PHRF1: variants seen among roughly 807,000 people sequenced by gnomAD.
PHRF1 encodes the protein PHD and ring finger domains 1.
Under a neutral mutation model 128.9 loss-of-function variants are expected in PHRF1, and 53 were observed. That is an observed-to-expected ratio of 0.41 (90% CI 0.33 to 0.52). The LOEUF (loss-of-function observed/expected upper bound fraction) is 0.52, where lower values mean the gene tolerates loss of function less well. Among genes scored for constraint, PHRF1 ranks in the 20% least tolerant of loss-of-function variants. The pLI, the probability that PHRF1 is intolerant of heterozygous loss-of-function variation, is 0.21. For synonymous variants in PHRF1, 1,178 were observed against 980.6 expected (o/e 1.20, Z -3.76); for missense variants, 2,503 against 2,284.5 (o/e 1.10, Z -1.95).
intron 1 of PHRF1, among the ~76,000 whole-genome samples, chr11:580,861 G>A (rs1854161485): frequency 6.6e-6 from 1 of 152,018 alleles, no homozygotes; most frequent in African/African-American, 2.4e-5. Context: ...GCTAATTTTT[G>A]TATTTTTAGT....
chr11:593,144 C>T (rs984847291), intron 6 of PHRF1, among the ~76,000 whole-genome samples: 3 of 152,244 alleles, frequency 2.0e-5, no homozygotes, highest in Non-Finnish European at 4.4e-5. Flanking sequence ...TCTGGCCCTG[C>T]GTGGCCCTGG....
At chr11:586,008 C>T (rs556792582) in intron 3 of PHRF1, among the ~76,000 whole-genome samples, 6 of 152,014 alleles carry the variant, frequency 3.9e-5, no homozygotes, top group Admixed American at 1.3e-4. Context: ...ATTACAGGCA[C>T]ACGCCACCAC....
At chr11:595,060 C>G (rs964387036) in intron 6 of PHRF1, among the ~76,000 whole-genome samples, 1 of 152,166 alleles carries the variant, frequency 6.6e-6, no homozygotes, top group Admixed American at 6.5e-5. Context: ...TACTCAGTTC[C>G]TCATGTCAAA....
intron 5 of PHRF1, 144 bp from the exon 6 acceptor site, chr11:592,415 C>G: frequency 2.7e-6 from 2 of 744,600 alleles, no homozygotes; most frequent in African/African-American, 1.7e-5. Flanking sequence ...CCTGTGTACA[C>G]GTGGAGGGAG....
At chr11:609,932 C>T (rs1304102319) in intron 14 of PHRF1, among the ~76,000 whole-genome samples, 1 of 152,200 alleles carries the variant, frequency 6.6e-6, no homozygotes, top group East Asian at 1.9e-4. Context: ...AGGGCCCCGG[C>T]CACCACAGGG....
intron 3 of PHRF1, among the ~76,000 whole-genome samples, chr11:583,222 C>T (rs895662446): frequency 1.3e-5 from 2 of 151,948 alleles, no homozygotes; most frequent in African/African-American, 2.4e-5. Flanking sequence ...GCCTGTAATC[C>T]CAGCTACTTG....
chr11:587,231 T>A lies in PHRF1; in HGVS notation c.215-28T>A, dbSNP rs749608384. 3.7e-6 allele frequency: 6 copies of A among 1,608,648 alleles called. No individual in the cohort carries two copies. In the South Asian group the frequency reaches 6.6e-5, roughly 18 times the overall value. On this transcript the variant is annotated intron_variant, in intron 3 of 17. Coordinates refer to ENST00000264555, the MANE Select transcript of PHRF1 (RefSeq NM_001286581.2). The stretch of plus-strand genomic sequence containing the variant: ...CGCGGTTCACGCTGCCCATCCTGCT[T>A]GCACCAGCTGGCATGTTTCCTCTCC...
Position 589,764 on chromosome 11 carries a change from A to G in PHRF1, c.421-1620A>G, listed in dbSNP as rs572077670. 2.6e-5 allele frequency among the ~76,000 whole-genome samples: 4 copies of G among 152,336 alleles called. No individual in the cohort carries two copies. In the South Asian group the frequency reaches 8.3e-4, roughly 32 times the overall value. On this transcript the variant is annotated intron_variant, in intron 4 of 17. Coordinates refer to ENST00000264555, the MANE Select transcript of PHRF1 (RefSeq NM_001286581.2). Reference sequence around the variant, plus strand: ...TCTGAGAGAGTGTCTGCAAACGGGCACGGAGCATGTCAGGCTCAGCCTGAG... The same window carrying G: ...TCTGAGAGAGTGTCTGCAAACGGGCGCGGAGCATGTCAGGCTCAGCCTGAG...
chr11:581,838 C>T lies in PHRF1; in HGVS notation c.95-124C>T, dbSNP rs1291059469. The T allele has an allele frequency of 3.5e-5, 48 of 1,379,540 alleles. No homozygotes were observed. The Middle Eastern group carries it at 7.8e-4, about 22-fold the overall frequency. The allele number at this position is 1,379,540 out of a possible 1,614,324, so 85.5% of individuals were successfully genotyped here. A position where few individuals can be genotyped will look rare whatever the true frequency, so the allele number is the denominator to read the frequency against. ...TTGCTTGTGCCCCCACCTTGCCGGC[C>T]CTGGGGAAGCCGTTAGCCGTTTGGC... On this transcript the variant is annotated intron_variant, in intron 2 of 17. Coordinates refer to ENST00000264555, the MANE Select transcript of PHRF1 (RefSeq NM_001286581.2).
intron 3 of PHRF1, among the ~76,000 whole-genome samples, chr11:582,615 C>T (rs898643819): frequency 1.3e-5 from 2 of 152,060 alleles, no homozygotes; most frequent in African/African-American, 4.8e-5. Flanking sequence ...AGCTCTGCCT[C>T]CTGGGTTCAC....
chr11:596,058 A>G (rs1400765612), intron 6 of PHRF1, among the ~76,000 whole-genome samples: 1 of 152,140 alleles, frequency 6.6e-6, no homozygotes, highest in Non-Finnish European at 1.5e-5. Flanking sequence ...ACTCTTGTTT[A>G]ACTCGTATCT....
Position 600,489 on chromosome 11 carries a change from CAA to C in PHRF1, c.1025-1081_1025-1080del, listed in dbSNP as rs1183661881. On this transcript the variant is annotated intron_variant, in intron 9 of 17. Transcript: ENST00000264555. Reference sequence around the variant, plus strand: ...GGGTGACAGAGTGAGACTCTGTCTCCAAAAATATATATATATATATATATATA... The same window carrying C: ...GGGTGACAGAGTGAGACTCTGTCTCCAAATATATATATATATATATATATA... 6.5e-4 allele frequency among the ~76,000 whole-genome samples: 47 copies of C among 71,780 alleles called. 1 individual carries two copies. In the South Asian group the frequency reaches 0.025, roughly 38 times the overall value. 47.1% of individuals were successfully genotyped at this position (71,780 alleles called of 152,430 possible).
chr11:607,697 C>T lies in PHRF1; in HGVS notation c.2241C>T (p.Ser747=). The T allele has an allele frequency of 6.2e-7, 1 of 1,610,318 alleles. No homozygotes were observed. Among genetic ancestry groups the T allele is most frequent in the South Asian group, 1.1e-5 (1 of 90,982 alleles). Residue 747 remains serine (S), a synonymous_variant, in exon 14 of 18, where the codon AGC becomes AGT. Transcript: ENST00000264555. ...VPREPGVHTG[S]SRPPAPSSHG... Reference sequence around the variant, plus strand: ...GGGAGCCCGGGGTGCACACGGGCAGCTCCCGGCCCCCAGCCCCCAGCTCCC... The same window carrying T: ...GGGAGCCCGGGGTGCACACGGGCAGTTCCCGGCCCCCAGCCCCCAGCTCCC...
intron 6 of PHRF1, among the ~76,000 whole-genome samples, chr11:594,713 C>T (rs959094100): frequency 1.1e-4 from 17 of 152,340 alleles, no homozygotes; most frequent in African/African-American, 2.9e-4. Context: ...CCGCCCACCT[C>T]GGCCTCCCAA....
Position 597,259 on chromosome 11 carries a change from C to G in PHRF1, c.719-136C>G. 2 of 1,138,206 alleles carry G rather than the reference C, an allele frequency of 1.8e-6. No individual in the cohort carries two copies. Among genetic ancestry groups the G allele is most frequent in the Non-Finnish European group, 2.4e-6 (2 of 817,404 alleles). 70.5% of individuals were successfully genotyped at this position (1,138,206 alleles called of 1,614,324 possible). A position where few individuals can be genotyped will look rare whatever the true frequency, so the allele number is the denominator to read the frequency against. On this transcript the variant is annotated intron_variant, in intron 7 of 17. Transcript: ENST00000264555. This position sits in a 1 kb window ranked among gnomAD's most constrained non-coding sequence, Gnocchi z 6.5. Reference sequence around the variant, plus strand: ...TCCTCAGTGTTAGGAGCACCAGGCTCCATGAGCAGCCCTGGGTCCTGTGCA... The same window carrying G: ...TCCTCAGTGTTAGGAGCACCAGGCTGCATGAGCAGCCCTGGGTCCTGTGCA...
rs200569537 is a variant in PHRF1 at position 609,248 on chromosome 11, C to G, written c.3792C>G (p.Ser1264=). 1 of 1,611,574 alleles carries G rather than the reference C, an allele frequency of 6.2e-7. No individual in the cohort carries two copies. The highest frequency in any genetic ancestry group is 8.5e-7 in the Non-Finnish European group (1 of 1,179,886). The change falls in exon 14 of 18, where the codon TCC becomes TCG. Residue 1264 remains serine, a synonymous_variant. Coordinates refer to ENST00000264555, the MANE Select transcript of PHRF1 (RefSeq NM_001286581.2). The stretch of plus-strand genomic sequence containing the variant: ...ACCTGGACCTGGATTATGGCGACTC[C>G]GTGGAGGCCGGACACGTCTTTGATG... The part of the protein sequence containing the change: ...PDDLDLDYGD[S]VEAGHVFDDF...
At chr11:605,795 G>T in intron 12 of PHRF1, 71 bp downstream of exon 12, 1 of 1,512,384 alleles carries the variant, frequency 6.6e-7, no homozygotes. Flanking sequence ...TCTAGGGTGG[G>T]GCCGTGATAG....
In PHRF1 at chr11:611,758, C is replaced by T. The variant is rs202141408; in HGVS notation, c.4931C>T (p.Thr1644Met). 48 of 1,608,308 alleles carry T rather than the reference C, an allele frequency of 3.0e-5. No individual in the cohort carries two copies. Among genetic ancestry groups the T allele is most frequent in the East Asian group, 1.3e-4 (6 of 44,674 alleles). ...CCAGAGGCCGGGGAGGAGCCGCCCA[C>T]GCAGGGGGCCGAGGGCTGAGGCCAG... is the stretch of plus-strand genomic sequence containing the variant. The part of the protein sequence containing the change: ...KKPEAGEEPP[T>M]QGAEG Residue 1644 changes from threonine to methionine, a missense_variant, in exon 18 of 18, where the codon ACG becomes ATG. Thr to Met is a moderately conservative substitution (Grantham distance 81). Transcript: ENST00000264555.
chr11:600,408 G>A (rs535935999), intron 9 of PHRF1, among the ~76,000 whole-genome samples: 1 of 151,268 alleles, frequency 6.6e-6, no homozygotes, highest in East Asian at 1.9e-4. Context: ...GGGAGGCTGG[G>A]GCAGGTGGAT....
Sources: allele counts gnomAD v4.1 joint callset (sites outside exome capture counted in the v4.1 genomes callset), GRCh38; gene constraint gnomAD v4.1.1; non-coding constraint Gnocchi (gnomAD v3.1); transcripts MANE v1.5; gene names NCBI Gene and HGNC (gene_info 2026-07-23, HGNC 2026-07-21).